The following GPHN variants were observed in gnomAD, a reference collection of about 807,000 sequenced individuals.
The protein encoded by GPHN is gephyrin.
A neutral mutation model predicts 95.5 loss-of-function variants in GPHN; 17 were observed. The observed-to-expected ratio is 0.18, with a 90% CI of 0.12 to 0.27. The LOEUF is 0.27. Ranked by LOEUF, GPHN falls within the 10% of genes least tolerant of loss-of-function variation. GPHN has a pLI of 1.00. For missense variants in GPHN, 660 were observed against 978.1 expected (o/e 0.67, Z 4.34); for synonymous variants, 320 against 322.5 (o/e 0.99, Z 0.08).
chr14:66,791,334 G>A (rs1472289719), intron 3 of GPHN, among the ~76,000 whole-genome samples: 1 of 152,178 alleles, frequency 6.6e-6, no homozygotes, highest in Non-Finnish European at 1.5e-5. Context: ...CCAAGAGAGG[G>A]TTCTTGAACC....
the GPHN span, among the ~76,000 whole-genome samples, chr14:67,637,410 CA>C: frequency 0.086 from 8,804 of 102,304 alleles, 160 homozygotes; most frequent in African/African-American, 0.19. Context: ...GACTCTGTCT[CA>C]AAAAAAAAAA....
At chr14:67,325,712 G>A in the GPHN span, among the ~76,000 whole-genome samples, 3 of 152,034 alleles carry the variant, frequency 2.0e-5, no homozygotes, top group Non-Finnish European at 2.9e-5. Flanking sequence ...TTCCTAACAT[G>A]CACACTTATT....
chr14:66,864,328 G>A (rs1386516382), intron 4 of GPHN, among the ~76,000 whole-genome samples: 1 of 152,108 alleles, frequency 6.6e-6, no homozygotes, highest in African/African-American at 2.4e-5. Context: ...ATACTGGTGA[G>A]GACTAGAGAA....
the GPHN span, among the ~76,000 whole-genome samples, chr14:67,410,174 CTG>C: frequency 6.6e-6 from 1 of 152,092 alleles, no homozygotes; most frequent in Non-Finnish European, 1.5e-5. Context: ...CCTGGGAGCT[CTG>C]TGGCTCTGCC....
chr14:66,744,493 A>G (rs2058063378), intron 2 of GPHN, among the ~76,000 whole-genome samples: 1 of 152,002 alleles, frequency 6.6e-6, no homozygotes, highest in African/African-American at 2.4e-5. Context: ...CAGTCACACA[A>G]GGCTACCTAC....
At chr14:67,515,409 G>GGCGGCA in the GPHN span, 2 of 172,754 alleles carry the variant, frequency 1.2e-5, no homozygotes, top group Non-Finnish European at 2.4e-5. Flanking sequence ...AGGAGCCCCC[G>GGCGGCA]GCGGCGGCGG....
the GPHN span, among the ~76,000 whole-genome samples, chr14:67,659,178 C>T: frequency 1.2e-4 from 18 of 152,168 alleles, no homozygotes; most frequent in African/African-American, 4.3e-4. Context: ...CTTTCTATTA[C>T]CACAGAATAA....
chr14:67,562,085 T>G, the GPHN span: 14 of 1,603,726 alleles, frequency 8.7e-6, no homozygotes, highest in African/African-American at 1.5e-4. Context: ...TTGGTGGGTA[T>G]GGGGCTGAGC....
the GPHN span, chr14:67,578,648 G>A: frequency 2.6e-5 from 39 of 1,509,546 alleles, 1 homozygote; most frequent in Middle Eastern, 3.4e-4. This position sits in a 1 kb window ranked among gnomAD's most constrained non-coding sequence, Gnocchi z 5.0. Flanking sequence ...GAACCTGGCC[G>A]TTTCCTCTGC....
intron 3 of GPHN, among the ~76,000 whole-genome samples, chr14:66,785,383 T>G (rs1020545767): frequency 6.6e-6 from 1 of 151,770 alleles, no homozygotes; most frequent in Admixed American, 6.6e-5. Context: ...AATAAATTAA[T>G]AAATAAATAA....
intron 1 of GPHN, among the ~76,000 whole-genome samples, chr14:66,619,372 C>A (rs960411171): frequency 6.6e-6 from 1 of 152,006 alleles, no homozygotes; most frequent in African/African-American, 2.4e-5. Flanking sequence ...TCCTTACCCA[C>A]ATTTGTTATG....
intron 1 of GPHN, among the ~76,000 whole-genome samples, chr14:66,556,072 C>T (rs914071281): frequency 1.3e-5 from 2 of 152,072 alleles, no homozygotes; most frequent in African/African-American, 4.8e-5. Flanking sequence ...GTGCTGTAGG[C>T]AGTTGCAACA....
intron 1 of GPHN, among the ~76,000 whole-genome samples, chr14:66,672,520 TA>T (rs1286728435): frequency 2.6e-5 from 4 of 152,206 alleles, no homozygotes; most frequent in Non-Finnish European, 4.4e-5. Context: ...TCTCCAACTG[TA>T]ACAGGGGTTT....
chr14:67,576,933 C>CCA, the GPHN span, among the ~76,000 whole-genome samples: 2 of 152,106 alleles, frequency 1.3e-5, no homozygotes, highest in African/African-American at 4.8e-5. This position sits in a 1 kb window ranked among gnomAD's most constrained non-coding sequence, Gnocchi z 4.0. Flanking sequence ...ATGGCATATA[C>CCA]CACACACACC....
At chr14:67,486,972 A>G in the GPHN span, 1 of 152,164 alleles carries the variant, frequency 6.6e-6, no homozygotes, top group Non-Finnish European at 1.5e-5. Context: ...TGGGCTGGTG[A>G]TCCCCTGGGT....
chr14:67,066,908 G>A (rs1032205360), intron 11 of GPHN, among the ~76,000 whole-genome samples: 32 of 151,982 alleles, frequency 2.1e-4, no homozygotes, highest in Admixed American at 1.9e-3. Flanking sequence ...TTGTTATTAC[G>A]GACCTTCTGA....
intron 11 of GPHN, among the ~76,000 whole-genome samples, chr14:67,060,161 C>T (rs1052591388): frequency 1.3e-5 from 2 of 149,486 alleles, no homozygotes; most frequent in East Asian, 1.9e-4. Flanking sequence ...AGAAAAATCT[C>T]ACCATGTATT....
intron 8 of GPHN, among the ~76,000 whole-genome samples, chr14:66,943,280 T>C (rs1463164727): frequency 1.3e-5 from 2 of 152,252 alleles, no homozygotes; most frequent in African/African-American, 4.8e-5. Flanking sequence ...CACATGTAAA[T>C]TTATTTCCAG....
At chr14:67,062,960 A>G (rs2075886078) in intron 11 of GPHN, among the ~76,000 whole-genome samples, 1 of 152,134 alleles carries the variant, frequency 6.6e-6, no homozygotes, top group African/African-American at 2.4e-5. Flanking sequence ...TTTTGTTGCC[A>G]TTGCTTTTTG....
Sources: gnomAD v4.1 joint callset for allele counts (sites outside exome capture counted in the v4.1 genomes callset) on GRCh38, gnomAD v4.1.1 for gene constraint, Gnocchi (gnomAD v3.1) non-coding constraint, MANE v1.5 for transcripts, NCBI Gene and HGNC (gene_info 2026-07-23, HGNC 2026-07-21) for gene names.